The following VCPIP1 variants were observed in gnomAD, a reference collection of about 807,000 sequenced individuals.
The protein encoded by VCPIP1 is valosin containing protein interacting protein 1.
A neutral mutation model predicts 85.0 loss-of-function variants in VCPIP1; 8 were observed. The observed-to-expected ratio is 0.09, with a 90% CI of 0.06 to 0.17. The LOEUF is 0.17. Ranked by LOEUF, VCPIP1 falls within the 10% of genes least tolerant of loss-of-function variation. The pLI, the probability that VCPIP1 is intolerant of heterozygous loss-of-function variation, is 1.00. For synonymous variants in VCPIP1, 543 were observed against 544.5 expected (o/e 1.00, Z 0.04); for missense variants, 1,070 against 1,486.3 (o/e 0.72, Z 4.61).
chr8:66,661,639 G>C (rs1315552901), intron 1 of VCPIP1, among the ~76,000 whole-genome samples: 1 of 151,722 alleles, frequency 6.6e-6, no homozygotes, highest in Non-Finnish European at 1.5e-5. Flanking sequence ...AGGAGGCTGA[G>C]GCAGGAGAAT....
intron 2 of VCPIP1, among the ~76,000 whole-genome samples, chr8:66,638,970 C>CTCTCTCTATATATATATATATATATA: frequency 3.4e-5 from 4 of 118,426 alleles, no homozygotes; most frequent in African/African-American, 1.6e-4. Flanking sequence ...CTCTCTCTCT[C>CTCTCTCTATATATATATATATATATA]TATATATATA....
chr8:66,653,721 T>C (rs1811073826), intron 1 of VCPIP1: 1 of 152,242 alleles, frequency 6.6e-6, no homozygotes, highest in Non-Finnish European at 1.5e-5. Flanking sequence ...CTTACTCTAC[T>C]GCAGTGTTTG....
Position 66,666,835 on chromosome 8 carries a change from G to A in VCPIP1, c.124C>T (p.Arg42Trp), listed in dbSNP as rs1811219091. ...ASGGLLKRRD[R>W]RILSGSCPDP... ...GGGCAGCTCCCGGAAAGGATTCTCC[G>A]GTCTCTCCGCTTCAAAAGCCCCCCC... Residue 42 changes from arginine to tryptophan, a missense_variant, in exon 1 of 3, where the codon CGG (arginine) becomes TGG (tryptophan). Transcript: ENST00000310421. The surrounding 1 kb of genome is among the most constrained non-coding windows in gnomAD (Gnocchi z 6.3). The A allele has an allele frequency of 1.9e-6, 3 of 1,613,664 alleles. No homozygotes were observed. The highest frequency in any genetic ancestry group is 2.5e-6 in the Non-Finnish European group (3 of 1,179,958).
chr8:66,667,153 G>C lies in VCPIP1; in HGVS notation c.-195C>G. 1 of 1,264,378 alleles carries C rather than the reference G, an allele frequency of 7.9e-7. No individual in the cohort carries two copies. The highest frequency in any genetic ancestry group is 1.0e-6 in the Non-Finnish European group (1 of 963,338). 78.3% of individuals were successfully genotyped at this position (1,264,378 alleles called of 1,614,324 possible). On this transcript the variant is annotated 5_prime_UTR_variant, in exon 1 of 3. Coordinates refer to ENST00000310421, the MANE Select transcript of VCPIP1 (RefSeq NM_025054.5). Reference sequence around the variant, plus strand: ...CTCTTCTTACTTCTCCACTGCCGTAGCCGTTGCCCCGAACGTAACGGCCAC... The same window carrying C: ...CTCTTCTTACTTCTCCACTGCCGTACCCGTTGCCCCGAACGTAACGGCCAC...
In VCPIP1 at chr8:66,666,892, T is replaced by C. The variant is rs758196422; in HGVS notation, c.67A>G (p.Thr23Ala). 82 of 1,611,566 alleles carry C rather than the reference T, an allele frequency of 5.1e-5. No homozygotes were observed. In the Middle Eastern group the frequency reaches 1.0e-3, roughly 20 times the overall value. The change falls in exon 1 of 3, where the codon ACT (threonine) becomes GCT (alanine). Residue 23 changes from threonine (T) to alanine (A), a missense_variant. Thr to Ala is a moderately conservative substitution (Grantham distance 58, BLOSUM62 0). Transcript: ENST00000310421. The surrounding 1 kb of genome is among the most constrained non-coding windows in gnomAD (Gnocchi z 6.3). ...PPPPPPEAPQ[T>A]PSSLASAAAS... ...GCCGCCGACGCCAAGGACGACGGAG[T>C]CTGTGGAGCCTCAGGGGGAGGAGGT...
chr8:66,628,796 T>G lies in VCPIP1; in HGVS notation c.*5705A>C, dbSNP rs565346255. 2 of 152,218 alleles carry G rather than the reference T, an allele frequency of 1.3e-5. No individual in the cohort carries two copies. Among genetic ancestry groups the G allele is most frequent in the Non-Finnish European group, 2.9e-5 (2 of 68,054 alleles). 9.4% of individuals were successfully genotyped at this position (152,218 alleles called of 1,614,324 possible). A position where few individuals can be genotyped will look rare whatever the true frequency, so the allele number is the denominator to read the frequency against. ...CATGTCACTTGTCCCATCAGCACTA[T>G]GCCCTCTGCAAGTAAGACTATGACG... On this transcript the variant is annotated 3_prime_UTR_variant, in exon 3 of 3. Transcript: ENST00000310421.
chr8:66,635,365 AGCC>A lies in VCPIP1; in HGVS notation c.2802_2804del (p.Met934_Ala935delinsIle). ...GTGGAAAAGTACAATGCTTGCCATC[AGCC>A]ATACCTAAAAAGGGGAAAAGATATT... is the stretch of plus-strand genomic sequence containing the variant. On this transcript the variant is annotated inframe_deletion, in exon 3 of 3. Transcript: ENST00000310421. 1 of 1,605,014 alleles carries A rather than the reference AGCC, an allele frequency of 6.2e-7. No individual in the cohort carries two copies. The highest frequency in any genetic ancestry group is 1.7e-5 in the Admixed American group (1 of 58,656).
chr8:66,640,078 G>A (rs555109104), intron 2 of VCPIP1, among the ~76,000 whole-genome samples: 17 of 151,998 alleles, frequency 1.1e-4, no homozygotes, highest in East Asian at 1.9e-4. Flanking sequence ...CTTGTACCCC[G>A]AACTTAAAAA....
chr8:66,635,574 T>G (rs1586620885), intron 2 of VCPIP1, among the ~76,000 whole-genome samples: 1 of 152,296 alleles, frequency 6.6e-6, no homozygotes, highest in Non-Finnish European at 1.5e-5. Flanking sequence ...CAGAGAATCT[T>G]TTTTAAAAAA....
At chr8:66,658,756 G>A (rs1005346076) in intron 1 of VCPIP1, among the ~76,000 whole-genome samples, 2 of 152,058 alleles carry the variant, frequency 1.3e-5, no homozygotes, top group African/African-American at 4.8e-5. Flanking sequence ...CAAAATGCTG[G>A]ATTAAATGCG....
intron 1 of VCPIP1, among the ~76,000 whole-genome samples, chr8:66,661,973 T>C (rs983931725): frequency 3.3e-5 from 5 of 151,672 alleles, no homozygotes; most frequent in African/African-American, 1.2e-4. Flanking sequence ...TTCACCATCT[T>C]AGCCAGGATG....
In VCPIP1 at chr8:66,632,332, A is replaced by G. The variant is rs1208342928; in HGVS notation, c.*2169T>C. 4 of 152,262 alleles carry G rather than the reference A, an allele frequency of 2.6e-5. No homozygotes were observed. In the East Asian group the frequency reaches 7.7e-4, roughly 29 times the overall value. The allele number at this position is 152,262 out of a possible 1,614,324, so 9.4% of individuals were successfully genotyped here. A position where few individuals can be genotyped will look rare whatever the true frequency, so the allele number is the denominator to read the frequency against. On this transcript the variant is annotated 3_prime_UTR_variant, in exon 3 of 3. Transcript: ENST00000310421. ...TCAGCTGATTTGAAAGAATTTCAAGAAATTTGATCACTTATCAGAATTGAG... is the reference window on the plus strand; with the variant it reads ...TCAGCTGATTTGAAAGAATTTCAAGGAATTTGATCACTTATCAGAATTGAG...
At chr8:66,640,169 T>C (rs1810933195) in intron 2 of VCPIP1, among the ~76,000 whole-genome samples, 1 of 152,180 alleles carries the variant, frequency 6.6e-6, no homozygotes, top group Non-Finnish European at 1.5e-5. Flanking sequence ...AAAATTCTAT[T>C]TTGGAAGGTA....
chr8:66,643,595 G>A (rs572334805), intron 2 of VCPIP1, among the ~76,000 whole-genome samples: 38 of 151,058 alleles, frequency 2.5e-4, no homozygotes, highest in African/African-American at 8.7e-4. Flanking sequence ...CCAGCTACTC[G>A]GGGAGGCTGA....
Position 66,628,883 on chromosome 8 carries a change from A to G in VCPIP1, c.*5618T>C, listed in dbSNP as rs1810806223. 6.6e-6 allele frequency: 1 copy of G among 152,254 alleles called. No individual in the cohort carries two copies. Among genetic ancestry groups the G allele is most frequent in the Non-Finnish European group, 1.5e-5 (1 of 68,042 alleles). The allele number at this position is 152,254 out of a possible 1,614,324, so 9.4% of individuals were successfully genotyped here. On this transcript the variant is annotated 3_prime_UTR_variant, in exon 3 of 3. Coordinates refer to ENST00000310421, the MANE Select transcript of VCPIP1 (RefSeq NM_025054.5). ...AACCACAAGGTTACAGAAGAAATTG[A>G]GGCCTTGAAAGGCTCCAAGACTTGC... is the stretch of plus-strand genomic sequence containing the variant.
chr8:66,659,747 G>A (rs1157537573), intron 1 of VCPIP1, among the ~76,000 whole-genome samples: 3 of 151,900 alleles, frequency 2.0e-5, no homozygotes, highest in African/African-American at 7.3e-5. Flanking sequence ...CATGGGCAAC[G>A]TGGCGAAACC....
In VCPIP1 at chr8:66,665,466, G is replaced by A. The variant is rs780183210; in HGVS notation, c.1493C>T (p.Thr498Ile). The A allele has an allele frequency of 6.2e-7, 1 of 1,614,206 alleles. No homozygotes were observed. Among genetic ancestry groups the A allele is most frequent in the Non-Finnish European group, 8.5e-7 (1 of 1,180,038 alleles). ...TTTGTCAGTCCTCAGCTGTCCATGAGTACTTTTTGCCAGGTTATACAATTT... is the reference window on the plus strand; with the variant it reads ...TTTGTCAGTCCTCAGCTGTCCATGAATACTTTTTGCCAGGTTATACAATTT... ...GGKLYNLAKS[T>I]HGQLRTDKNY... The change falls in exon 1 of 3, where the codon ACT becomes ATT. Residue 498 changes from threonine (T) to isoleucine (I), a missense_variant. Physicochemically the swap from Thr to Ile is moderately conservative, Grantham distance 89. Around this residue, in one of 8 missense-constraint regions of VCPIP1, gnomAD observed 123 missense variants for 156.3 expected, o/e 0.79. Coordinates refer to ENST00000310421, the MANE Select transcript of VCPIP1 (RefSeq NM_025054.5). The surrounding 1 kb of genome is among the most constrained non-coding windows in gnomAD (Gnocchi z 4.3).
rs1390330089 is a variant in VCPIP1, at chr8:66,635,875, T to C, written c.2798-503A>G. ...TTGCAGTGAGCTGAGATTGCGGCAC[T>C]GCACTCCAGCCTGGACAATAAGAGT... is the stretch of plus-strand genomic sequence containing the variant. On this transcript the variant is annotated intron_variant, in intron 2 of 2. Coordinates refer to ENST00000310421, the MANE Select transcript of VCPIP1 (RefSeq NM_025054.5). Among the ~76,000 whole-genome samples, 3 of 140,650 alleles carry C rather than the reference T, an allele frequency of 2.1e-5. No individual in the cohort carries two copies. The East Asian group carries it at 6.1e-4, about 29-fold the overall frequency. 92.3% of individuals were successfully genotyped at this position (140,650 alleles called of 152,430 possible).
At position 66,633,969 on chromosome 8, in the gene VCPIP1, T is replaced by C. The variant is rs1810858230; in HGVS notation, c.*532A>G. 6.6e-6 allele frequency: 1 copy of C among 152,272 alleles called. No individual in the cohort carries two copies. Among genetic ancestry groups the C allele is most frequent in the Non-Finnish European group, 1.5e-5 (1 of 68,056 alleles). The allele number at this position is 152,272 out of a possible 1,614,324, so 9.4% of individuals were successfully genotyped here. On this transcript the variant is annotated 3_prime_UTR_variant, in exon 3 of 3. Transcript: ENST00000310421. Reference sequence around the variant, plus strand: ...CAAGATATTTTCGCCAAGAAATCTCTATGAATGTGTTTACGTTCATAGAAA... The same window carrying C: ...CAAGATATTTTCGCCAAGAAATCTCCATGAATGTGTTTACGTTCATAGAAA...
Sources: allele counts gnomAD v4.1 joint callset (sites outside exome capture counted in the v4.1 genomes callset), GRCh38; gene constraint gnomAD v4.1.1; regional missense constraint gnomAD v4.1.1; non-coding constraint Gnocchi (gnomAD v3.1); transcripts MANE v1.5; gene names NCBI Gene and HGNC (gene_info 2026-07-23, HGNC 2026-07-21).